Variants in CTNNA2 observed in about 807,000 individuals in gnomAD.
CTNNA2 encodes catenin alpha 2, also known as catenin alpha-2.
A neutral mutation model predicts 101.0 loss-of-function variants in CTNNA2; 42 were observed. The observed-to-expected ratio is 0.42, with a 90% CI of 0.32 to 0.54. The LOEUF (loss-of-function observed/expected upper bound fraction) is 0.54, where lower values mean the gene tolerates loss of function less well. Ranked by LOEUF, CTNNA2 falls within the 20% of genes least tolerant of loss-of-function variation. The pLI is 0.14. For synonymous variants in CTNNA2, 450 were observed against 456.4 expected, an observed-to-expected ratio of 0.99 and a Z score of 0.18; for missense variants, 871 against 1,223.1, an observed-to-expected ratio of 0.71 and a Z score of 4.29.
intron 4 of CTNNA2, among the ~76,000 whole-genome samples, chr2:79,408,311 ATTATT>A (rs747228420): frequency 2.7e-5 from 4 of 150,782 alleles, no homozygotes; most frequent in Non-Finnish European, 5.9e-5. Context: ...TATTATTATT[ATTATT>A]ATAATACTTT....
intron 9 of CTNNA2, among the ~76,000 whole-genome samples, chr2:80,462,870 C>T (rs535345416): frequency 6.6e-6 from 1 of 152,116 alleles, no homozygotes; most frequent in East Asian, 1.9e-4. Context: ...AATTCCCTAT[C>T]CCTACCCTCT....
chr2:80,002,827 G>T lies in CTNNA2; in HGVS notation c.1056+93030G>T, dbSNP rs373474003. On this transcript the variant is annotated intron_variant, in intron 7 of 18. Coordinates refer to ENST00000402739, the MANE Select transcript of CTNNA2 (RefSeq NM_001282597.3). ...ACTTCTGCCTACAGGATAATGTCAG[G>T]CCCTGTCAAACCAACATCTAAATCA... Among the ~76,000 whole-genome samples, 308 of 152,188 alleles carry T rather than the reference G, an allele frequency of 2.0e-3. 1 individual carries two copies. Among genetic ancestry groups the T allele is most frequent in the African/African-American group, 7.0e-3 (292 of 41,528 alleles).
At chr2:79,895,079 T>G (rs1684606881) in intron 6 of CTNNA2, among the ~76,000 whole-genome samples, 2 of 152,218 alleles carry the variant, frequency 1.3e-5, no homozygotes, top group African/African-American at 4.8e-5. Context: ...TTAGGGCTTC[T>G]CTTTTCCAGT....
chr2:80,084,511 G>T (rs1157372929), intron 7 of CTNNA2, among the ~76,000 whole-genome samples: 1 of 152,018 alleles, frequency 6.6e-6, no homozygotes, highest in Non-Finnish European at 1.5e-5. Flanking sequence ...ACTCTTCTAA[G>T]TCCGGGAACA....
chr2:80,486,470 G>C (rs116217971), intron 9 of CTNNA2, among the ~76,000 whole-genome samples: 5,154 of 152,114 alleles, frequency 0.034, 246 homozygotes, highest in African/African-American at 0.11. Flanking sequence ...TATATAAGTA[G>C]TACATGTTCA....
At position 79,651,861 on chromosome 2, in the gene CTNNA2, T is replaced by C. The variant is rs1410479998; in HGVS notation, c.102+203T>C. On this transcript the variant is annotated intron_variant, in intron 2 of 18. Transcript: ENST00000402739. Reference sequence around the variant, plus strand: ...GGCTTTTAAAAACTATTTGTATGATTTTTGAAATTAAGTTGATGAGATAAT... The same window carrying C: ...GGCTTTTAAAAACTATTTGTATGATCTTTGAAATTAAGTTGATGAGATAAT... 2.0e-5 allele frequency among the ~76,000 whole-genome samples: 3 copies of C among 152,180 alleles called. No homozygotes were observed. In the South Asian group the frequency reaches 6.2e-4, roughly 31 times the overall value.
At chr2:79,935,694 G>C (rs576128963) in intron 7 of CTNNA2, among the ~76,000 whole-genome samples, 55 of 152,270 alleles carry the variant, frequency 3.6e-4, no homozygotes, top group African/African-American at 1.3e-3. Flanking sequence ...ATCTAACTGG[G>C]GTGGAGAAAT....
chr2:79,757,022 A>G (rs1338941812), intron 3 of CTNNA2, among the ~76,000 whole-genome samples: 1 of 152,166 alleles, frequency 6.6e-6, no homozygotes, highest in Non-Finnish European at 1.5e-5. Flanking sequence ...ATAAAACTAA[A>G]CAGATTTAAT....
chr2:80,455,521 G>A lies in CTNNA2; in HGVS notation c.1290+35920G>A, dbSNP rs369130532. On this transcript the variant is annotated intron_variant, in intron 9 of 18. Coordinates refer to ENST00000402739, the MANE Select transcript of CTNNA2 (RefSeq NM_001282597.3). ...AGGGTCTCCACGGCATTAGGTCTCCGTGAAGTTGCGAGTTAGTGGAAATTT... is the reference window on the plus strand; with the variant it reads ...AGGGTCTCCACGGCATTAGGTCTCCATGAAGTTGCGAGTTAGTGGAAATTT... Among the ~76,000 whole-genome samples, 87 of 152,308 alleles carry A rather than the reference G, an allele frequency of 5.7e-4. 1 individual carries two copies. In the South Asian group the frequency reaches 0.015, roughly 26 times the overall value.
chr2:80,479,174 C>T (rs1269732073), intron 9 of CTNNA2, among the ~76,000 whole-genome samples: 2 of 151,954 alleles, frequency 1.3e-5, no homozygotes, highest in Non-Finnish European at 2.9e-5. Flanking sequence ...TTCCTCTGAT[C>T]ATTATTAGGA....
chr2:79,321,134 T>C (rs1676613473), intron 3 of CTNNA2, among the ~76,000 whole-genome samples: 1 of 150,948 alleles, frequency 6.6e-6, no homozygotes, highest in Non-Finnish European at 1.5e-5. Context: ...GTGTAGATGT[T>C]TTACCTTATT....
chr2:80,509,666 C>T (rs1444715296), intron 9 of CTNNA2, among the ~76,000 whole-genome samples: 2 of 152,158 alleles, frequency 1.3e-5, no homozygotes, highest in Non-Finnish European at 2.9e-5. Context: ...ACCCAGGGCC[C>T]TTCTATCACC....
chr2:80,384,117 T>A (rs2166130), intron 7 of CTNNA2, among the ~76,000 whole-genome samples: 60,420 of 151,984 alleles, frequency 0.4, 16,279 homozygotes, highest in African/African-American at 0.77. Context: ...CTAAATAACA[T>A]GAACACATGG....
intron 8 of CTNNA2, among the ~76,000 whole-genome samples, chr2:80,404,021 T>C (rs1678823879): frequency 6.6e-6 from 1 of 152,350 alleles, no homozygotes; most frequent in African/African-American, 2.4e-5. Context: ...CAGTATTTTA[T>C]TGAGGATTTT....
At chr2:80,601,495 C>T (rs533988650) in intron 15 of CTNNA2, 2 of 118,508 alleles carry the variant, frequency 1.7e-5, no homozygotes, top group East Asian at 2.7e-4. Flanking sequence ...TTTGATTTTT[C>T]AGAATCTCCT....
At chr2:79,848,519 T>C (rs753731233) in intron 3 of CTNNA2, among the ~76,000 whole-genome samples, 1 of 152,144 alleles carries the variant, frequency 6.6e-6, no homozygotes, top group Non-Finnish European at 1.5e-5. Context: ...GCTACAACAA[T>C]GTAAAATTAC....
intron 8 of CTNNA2, among the ~76,000 whole-genome samples, chr2:80,414,615 T>C (rs781649852): frequency 1.5e-4 from 23 of 152,208 alleles, no homozygotes; most frequent in Admixed American, 3.9e-4. Flanking sequence ...TTGCAACTAG[T>C]TGAGGACGTA....
rs150565500 is a variant in CTNNA2, at chr2:79,647,332, C to T, written c.-5-4220C>T. 8.4e-3 allele frequency among the ~76,000 whole-genome samples: 1,283 copies of T among 152,180 alleles called. 27 individuals are homozygous for T. Among genetic ancestry groups the T allele is most frequent in the African/African-American group, 0.028 (1,166 of 41,512 alleles). On this transcript the variant is annotated intron_variant, in intron 1 of 18. Coordinates refer to ENST00000402739, the MANE Select transcript of CTNNA2 (RefSeq NM_001282597.3). ...ATTTGGGAAAATAATGACAACATAA[C>T]AATAATAACAAATATTTCCAGGAAT... is the stretch of plus-strand genomic sequence containing the variant.
At chr2:79,492,765 C>T (rs2104565875) in intron 4 of CTNNA2, among the ~76,000 whole-genome samples, 1 of 152,164 alleles carries the variant, frequency 6.6e-6, no homozygotes. Context: ...AGCAAAGGTA[C>T]ACAGTAAAAG....
Sources: allele counts gnomAD v4.1 joint callset (sites outside exome capture counted in the v4.1 genomes callset), GRCh38; gene constraint gnomAD v4.1.1; transcripts MANE v1.5; gene names NCBI Gene and HGNC (gene_info 2026-07-23, HGNC 2026-07-21).